SPG11: variants seen among roughly 807,000 people sequenced by gnomAD.
The protein encoded by SPG11 is spatacsin.
In SPG11, 222 loss-of-function variants were observed where a neutral mutation model predicts 274.0. The ratio of observed to expected loss-of-function variants is 0.81; its 90% CI spans 0.73 to 0.91. The LOEUF is 0.91. Among genes scored for constraint, SPG11 ranks in the 40% least tolerant of loss-of-function variants. The pLI, the probability that SPG11 is intolerant of heterozygous loss-of-function variation, is 0.00. For synonymous variants in SPG11, 1,144 were observed against 1,039.7 expected (o/e 1.10, Z -1.93); for missense variants, 3,114 against 2,872.7 (o/e 1.08, Z -1.92).
At chr15:44,657,442 A>T (rs928280749) in intron 3 of SPG11, 146 bp from the exon 4 acceptor site, 1 of 700,458 alleles carries the variant, frequency 1.4e-6, no homozygotes, top group African/African-American at 1.8e-5. Flanking sequence ...AGCCCCCATT[A>T]TAACAACCAG....
intron 29 of SPG11, among the ~76,000 whole-genome samples, chr15:44,585,410 C>A (rs1398013997): frequency 6.9e-6 from 1 of 145,142 alleles, no homozygotes; most frequent in African/African-American, 2.6e-5. Context: ...CACAGTGAAA[C>A]CCCATCTCTA....
Position 44,659,200 on chromosome 15 carries a change from A to G in SPG11, c.546T>C (p.Asp182=). 6.2e-7 allele frequency: 1 copy of G among 1,614,206 alleles called. No homozygotes were observed. The highest frequency in any genetic ancestry group is 1.1e-5 in the South Asian group (1 of 91,086). Reference sequence around the variant, plus strand: ...AACAGTTGAGTACTCTAATTGCAGCATCTCTTTCAGGAAATATAATATGTA... The same window carrying G: ...AACAGTTGAGTACTCTAATTGCAGCGTCTCTTTCAGGAAATATAATATGTA... The part of the protein sequence containing the change: ...VILHIIFPER[D]AAIRVLNCFT... The change falls in exon 3 of 40, where the codon GAT becomes GAC. Residue 182 remains aspartate (D), a synonymous_variant. Transcript: ENST00000261866.
chr15:44,663,365 C>T (rs1467969456), intron 1 of SPG11, 26 bp downstream of exon 1: 3 of 1,600,502 alleles, frequency 1.9e-6, no homozygotes, highest in East Asian at 2.3e-5. Flanking sequence ...ACTCCCCCAA[C>T]GGCCCAACTC....
At chr15:44,649,161 C>T (rs2084690369) in intron 6 of SPG11, 150 bp from the exon 7 acceptor site, 2 of 707,330 alleles carry the variant, frequency 2.8e-6, no homozygotes, top group Non-Finnish European at 4.6e-6. Context: ...ATGATCTTAA[C>T]TCATCATGGT....
chr15:44,650,612 T>TGACA (rs2084741250), intron 6 of SPG11, among the ~76,000 whole-genome samples: 1 of 142,282 alleles, frequency 7.0e-6, no homozygotes, highest in Non-Finnish European at 1.5e-5. Context: ...GGCGACAGAG[T>TGACA]GACACTCTGC....
chr15:44,622,620 T>A (rs1304418810), intron 12 of SPG11, 108 bp downstream of exon 12: 1 of 933,404 alleles, frequency 1.1e-6, no homozygotes, highest in African/African-American at 1.6e-5. Flanking sequence ...TTATTAGATA[T>A]TAGTTGAACA....
At chr15:44,624,536 G>A (rs1176897247) in intron 11 of SPG11, among the ~76,000 whole-genome samples, 1 of 152,152 alleles carries the variant, frequency 6.6e-6, no homozygotes, top group African/African-American at 2.4e-5. Context: ...GTAGGGGAAA[G>A]GAGTAGATAT....
chr15:44,566,762 C>T (rs961076368), intron 36 of SPG11, among the ~76,000 whole-genome samples: 9 of 152,124 alleles, frequency 5.9e-5, no homozygotes, highest in Admixed American at 1.3e-4. Context: ...GCAATGGGCG[C>T]GATCTTGGCT....
chr15:44,611,875 G>C (rs1041012140), intron 17 of SPG11, among the ~76,000 whole-genome samples: 3 of 116,552 alleles, frequency 2.6e-5, no homozygotes, highest in African/African-American at 1.0e-4. Flanking sequence ...GAGCTATCTT[G>C]GCTCACTGCA....
rs750037237 is a variant in SPG11, at chr15:44,573,554, C to T, written c.6198G>A (p.Gln2066=). The T allele has an allele frequency of 4.3e-6, 7 of 1,614,064 alleles. No individual in the cohort carries two copies. In the Admixed American group the frequency reaches 1.0e-4, roughly 23 times the overall value. Residue 2066 remains glutamine, a synonymous_variant, in exon 32 of 40, where the codon CAG becomes CAA. Coordinates refer to ENST00000261866, the MANE Select transcript of SPG11 (RefSeq NM_025137.4). ...CCCCGGGGGGTAGGGCACCTGTTCC[C>T]TGTGATGAAGTAAGCAGCTCCCGTG... ...EVTRELLTSS[Q]GTGHKQMFNP...
chr15:44,657,187 A>G lies in SPG11; in HGVS notation c.777T>C (p.Phe259=). 1 of 1,614,238 alleles carries G rather than the reference A, an allele frequency of 6.2e-7. No individual in the cohort carries two copies. Among genetic ancestry groups the G allele is most frequent in the Non-Finnish European group, 8.5e-7 (1 of 1,180,036 alleles). ...QQQEPAKISS[F]TSLKVSQDLD... ...GGTCTTGAGAAACTTTCAGTGAAGTAAATGAAGAAATCTTGGCTGGCTCCT... is the reference window on the plus strand; with the variant it reads ...GGTCTTGAGAAACTTTCAGTGAAGTGAATGAAGAAATCTTGGCTGGCTCCT... The change falls in exon 4 of 40, where the codon TTT becomes TTC. Residue 259 remains phenylalanine, a synonymous_variant. Coordinates refer to ENST00000261866, the MANE Select transcript of SPG11 (RefSeq NM_025137.4).
In SPG11 at chr15:44,651,500, C is replaced by G; in HGVS notation, c.1447G>C (p.Val483Leu). The change falls in exon 6 of 40, where the codon GTT becomes CTT. Residue 483 changes from valine to leucine, a missense_variant. Physicochemically the swap from Val to Leu is conservative, Grantham distance 32. Coordinates refer to ENST00000261866, the MANE Select transcript of SPG11 (RefSeq NM_025137.4). The part of the protein sequence containing the change: ...DSSGDQQLCF[V>L]LTENGLSLIL... ...TACAAGACAGTCTCACCTGTCAAAA[C>G]AAAGCACAGCTGCTGGTCTCCACTA... 6.2e-7 allele frequency: 1 copy of G among 1,614,092 alleles called. No homozygotes were observed. Among genetic ancestry groups the G allele is most frequent in the East Asian group, 2.2e-5 (1 of 44,884 alleles).
At chr15:44,601,557 CTTTTTTTTT>C (rs776775388) in intron 20 of SPG11, among the ~76,000 whole-genome samples, 1 of 122,790 alleles carries the variant, frequency 8.1e-6, no homozygotes, top group African/African-American at 3.4e-5. Flanking sequence ...CCAGCCTCTT[CTTTTTTTTT>C]TTTTTTTTTT....
chr15:44,651,693 G>C lies in SPG11; in HGVS notation c.1254C>G (p.Ile418Met). 6.2e-7 allele frequency: 1 copy of C among 1,614,180 alleles called. No individual in the cohort carries two copies. The highest frequency in any genetic ancestry group is 1.1e-5 in the South Asian group (1 of 91,082). ...DPGRSWKIMH[I>M]SEQEEPIELK... ...GCTCTATGGGTTCCTCTTGTTCACT[G>C]ATGTGCATTATTTTCCATGATCTTC... Residue 418 changes from isoleucine to methionine, a missense_variant, in exon 6 of 40, where the codon ATC becomes ATG. By Grantham distance (10) the Ile-to-Met change is conservative. Coordinates refer to ENST00000261866, the MANE Select transcript of SPG11 (RefSeq NM_025137.4).
chr15:44,615,400 G>C lies in SPG11; in HGVS notation c.3001C>G (p.Leu1001Val). The part of the protein sequence containing the change: ...QFILYCLEHS[L>V]QHLLYVYLDC... ...AGGTAGACATAAAGAAGATGCTGCAGACTGTGCTCCAAACAATAGAGAATG... is the reference window on the plus strand; with the variant it reads ...AGGTAGACATAAAGAAGATGCTGCACACTGTGCTCCAAACAATAGAGAATG... Residue 1001 changes from leucine (L) to valine (V), a missense_variant, in exon 16 of 40, where the codon CTG becomes GTG. Leu to Val is a conservative substitution (Grantham distance 32). Transcript: ENST00000261866. The C allele has an allele frequency of 1.2e-6, 2 of 1,614,028 alleles. No homozygotes were observed. Among genetic ancestry groups the C allele is most frequent in the Non-Finnish European group, 1.7e-6 (2 of 1,179,996 alleles).
In SPG11 at chr15:44,585,842, C is replaced by G. The variant is rs752605914; in HGVS notation, c.4915G>C (p.Val1639Leu). The G allele has an allele frequency of 6.2e-7, 1 of 1,613,912 alleles. No individual in the cohort carries two copies. The highest frequency in any genetic ancestry group is 1.7e-5 in the Admixed American group (1 of 60,010). ...REHLFSDGPD[V>L]KKLCILCQIL... is the part of the protein sequence containing the mutation. ...TGGCAAAGGATGCAAAGCTTTTTCA[C>G]ATCTGGACCTGTGCCAAAGAGAAAA... The change falls in exon 29 of 40, where the codon GTG becomes CTG. Residue 1639 changes from valine (V) to leucine (L), a missense_variant. Transcript: ENST00000261866.
intron 16 of SPG11, 83 bp from the exon 17 acceptor site, chr15:44,613,619 G>A (rs952818143): frequency 2.4e-6 from 2 of 830,872 alleles, no homozygotes; most frequent in Admixed American, 2.3e-5. Context: ...GCGATGATTA[G>A]CATTTAAAAA....
At chr15:44,618,387 G>A (rs1391018725) in intron 15 of SPG11, among the ~76,000 whole-genome samples, 6 of 151,204 alleles carry the variant, frequency 4.0e-5, no homozygotes, top group South Asian at 2.1e-4. Flanking sequence ...GCGTGGTGGC[G>A]GGCGCCTGTA....
chr15:44,645,283 AG>A (rs764738133), intron 7 of SPG11, among the ~76,000 whole-genome samples: 8 of 152,198 alleles, frequency 5.3e-5, no homozygotes, highest in Non-Finnish European at 8.8e-5. Context: ...ATAGACCAAT[AG>A]AACAGAACAG....
Sources: gnomAD v4.1 joint callset for allele counts (sites outside exome capture counted in the v4.1 genomes callset) on GRCh38, gnomAD v4.1.1 for gene constraint, MANE v1.5 for transcripts, NCBI Gene and HGNC (gene_info 2026-07-23, HGNC 2026-07-21) for gene names.